GRM7: variants seen among roughly 807,000 people sequenced by gnomAD.
The protein encoded by GRM7 is metabotropic glutamate receptor 7.
In GRM7, 35 loss-of-function variants were observed where a neutral mutation model predicts 84.5. The observed-to-expected ratio is 0.41, with a 90% CI of 0.32 to 0.55. The LOEUF (loss-of-function observed/expected upper bound fraction) is 0.55, where lower values mean the gene tolerates loss of function less well. Among genes scored for constraint, GRM7 ranks in the 20% least tolerant of loss-of-function variants. The pLI, the probability that GRM7 is intolerant of heterozygous loss-of-function variation, is 0.19. For synonymous variants in GRM7, 487 were observed against 455.1 expected (o/e 1.07, Z -0.89); for missense variants, 1,003 against 1,194.6 (o/e 0.84, Z 2.36).
At chr3:7,109,197 T>C (rs919398141) in intron 1 of GRM7, among the ~76,000 whole-genome samples, 2 of 152,086 alleles carry the variant, frequency 1.3e-5, no homozygotes, top group Non-Finnish European at 2.9e-5. Context: ...TTGATCATTA[T>C]GTCTAATTGG....
At chr3:7,054,369 TATG>T (rs900020314) in intron 1 of GRM7, among the ~76,000 whole-genome samples, 9 of 149,818 alleles carry the variant, frequency 6.0e-5, no homozygotes, top group Admixed American at 2.7e-4. Flanking sequence ...GTATGATATA[TATG>T]ATATCTTTTA....
chr3:7,290,995 C>G lies in GRM7; in HGVS notation c.737-7689C>G, dbSNP rs913380106. On this transcript the variant is annotated intron_variant, in intron 2 of 9. Coordinates refer to ENST00000357716, the MANE Select transcript of GRM7 (RefSeq NM_000844.4). ...GGTGCTGTTCCAGTTTCTTTGTGGC[C>G]ATTTACACTGTTCCACTCTGTCTCC... Among the ~76,000 whole-genome samples the G allele has an allele frequency of 1.1e-4, 16 of 152,178 alleles. 4 individuals carry two copies. The highest frequency in any genetic ancestry group is 3.9e-4 in the East Asian group (2 of 5,164).
chr3:7,028,271 A>T (rs1485784828), intron 1 of GRM7, among the ~76,000 whole-genome samples: 1 of 152,186 alleles, frequency 6.6e-6, no homozygotes, highest in Non-Finnish European at 1.5e-5. Context: ...TTTCTGCCCA[A>T]TGAGTTTGTA....
intron 2 of GRM7, among the ~76,000 whole-genome samples, chr3:7,266,973 C>G (rs898218400): frequency 3.3e-5 from 5 of 152,194 alleles, no homozygotes; most frequent in Non-Finnish European, 7.3e-5. Flanking sequence ...GGCCATTTAT[C>G]TTAATTTGCA....
chr3:7,479,055 G>A (rs1414148136), intron 7 of GRM7, among the ~76,000 whole-genome samples: 1 of 152,130 alleles, frequency 6.6e-6, no homozygotes, highest in Non-Finnish European at 1.5e-5. Flanking sequence ...GTACCCATAT[G>A]TAAAGTGGGG....
At chr3:7,637,371 AC>A (rs1299002631) in intron 8 of GRM7, among the ~76,000 whole-genome samples, 1 of 152,184 alleles carries the variant, frequency 6.6e-6, no homozygotes. Flanking sequence ...ATGTTTCCTT[AC>A]AAAAGAATGA....
In GRM7 at chr3:7,575,685, A is replaced by G. The variant is rs574485634; in HGVS notation, c.1516-2737A>G. The stretch of plus-strand genomic sequence containing the variant: ...ATTTTCAATAATGATTTTTGTTAGC[A>G]AAAGGAGTAAATTAGACTTCTGTCC... On this transcript the variant is annotated intron_variant, in intron 7 of 9. Coordinates refer to ENST00000357716, the MANE Select transcript of GRM7 (RefSeq NM_000844.4). Among the ~76,000 whole-genome samples, 17 of 152,314 alleles carry G rather than the reference A, an allele frequency of 1.1e-4. No homozygotes were observed. The East Asian group carries it at 2.5e-3, about 22-fold the overall frequency.
chr3:6,898,357 C>T (rs746294260), intron 1 of GRM7, among the ~76,000 whole-genome samples: 1 of 135,238 alleles, frequency 7.4e-6, no homozygotes, highest in Non-Finnish European at 1.5e-5. Flanking sequence ...AGACCAAGGA[C>T]GAAAGAGTGT....
intron 8 of GRM7, among the ~76,000 whole-genome samples, chr3:7,609,346 C>T (rs1292598491): frequency 6.6e-6 from 1 of 151,972 alleles, no homozygotes; most frequent in Non-Finnish European, 1.5e-5. Flanking sequence ...AAATGAAATT[C>T]AATGCTGGGA....
In GRM7 at chr3:7,412,221, C is replaced by A. The variant is rs546004839; in HGVS notation, c.1034-2802C>A. Among the ~76,000 whole-genome samples the A allele has an allele frequency of 2.0e-5, 3 of 152,244 alleles. No individual in the cohort carries two copies. The South Asian group carries it at 6.2e-4, about 32-fold the overall frequency. On this transcript the variant is annotated intron_variant, in intron 4 of 9. Coordinates refer to ENST00000357716, the MANE Select transcript of GRM7 (RefSeq NM_000844.4). ...GTTTATAGGCTGGTTGAAATGAAGC[C>A]TTGGGTGCCCCCTGGCACCTCGGCC...
At chr3:6,908,095 A>G (rs961566005) in intron 1 of GRM7, among the ~76,000 whole-genome samples, 5 of 152,224 alleles carry the variant, frequency 3.3e-5, no homozygotes, top group African/African-American at 9.6e-5. Context: ...CAAAGAAAAT[A>G]AAAAGACAAA....
At position 6,862,557 on chromosome 3, in the gene GRM7, C is replaced by T. The variant is rs1235930567; in HGVS notation, c.519+650C>T. On this transcript the variant is annotated intron_variant, in intron 1 of 9. Coordinates refer to ENST00000357716, the MANE Select transcript of GRM7 (RefSeq NM_000844.4). The surrounding 1 kb of genome is among the most constrained non-coding windows in gnomAD (Gnocchi z 5.2). Reference sequence around the variant, plus strand: ...GAGAGATGCTGCCCGCAGACGTGACCCCCGGTTGGTTTGCTCCGGGCAATA... The same window carrying T: ...GAGAGATGCTGCCCGCAGACGTGACTCCCGGTTGGTTTGCTCCGGGCAATA... 6.6e-6 allele frequency among the ~76,000 whole-genome samples: 1 copy of T among 152,170 alleles called. No individual in the cohort carries two copies. The highest frequency in any genetic ancestry group is 1.5e-5 in the Non-Finnish European group (1 of 68,038).
At chr3:7,102,023 G>T (rs1699129237) in intron 1 of GRM7, among the ~76,000 whole-genome samples, 1 of 151,146 alleles carries the variant, frequency 6.6e-6, no homozygotes, top group Non-Finnish European at 1.5e-5. Context: ...TTACATTTAT[G>T]TATATTATAC....
intron 7 of GRM7, among the ~76,000 whole-genome samples, chr3:7,491,355 A>T (rs1028320619): frequency 6.6e-6 from 1 of 152,010 alleles, no homozygotes; most frequent in Non-Finnish European, 1.5e-5. Context: ...TTTTCCATTT[A>T]TCTAGTTCTT....
At chr3:7,005,748 G>A (rs543525462) in intron 1 of GRM7, among the ~76,000 whole-genome samples, 4 of 152,242 alleles carry the variant, frequency 2.6e-5, no homozygotes, top group East Asian at 3.9e-4. Flanking sequence ...CAGATGCACC[G>A]AAAATGACAT....
chr3:6,908,123 C>A (rs1011531496), intron 1 of GRM7, among the ~76,000 whole-genome samples: 1 of 152,134 alleles, frequency 6.6e-6, no homozygotes, highest in African/African-American at 2.4e-5. Context: ...AGAAAATATT[C>A]CAGCTACAGA....
intron 9 of GRM7, among the ~76,000 whole-genome samples, chr3:7,730,810 T>G (rs1575678557): frequency 6.6e-6 from 1 of 152,222 alleles, no homozygotes; most frequent in East Asian, 1.9e-4. Flanking sequence ...TGCTTGCATC[T>G]ATAATATATT....
intron 1 of GRM7, among the ~76,000 whole-genome samples, chr3:7,123,178 C>G (rs1317321186): frequency 6.6e-6 from 1 of 152,178 alleles, no homozygotes; most frequent in Non-Finnish European, 1.5e-5. Context: ...TATTTATTTT[C>G]ACAGTAATGT....
chr3:7,146,328 T>TAATACA (rs1420151577), intron 1 of GRM7, 124 bp from the exon 2 acceptor site: 4 of 735,760 alleles, frequency 5.4e-6, no homozygotes, highest in Non-Finnish European at 7.1e-6. Context: ...CATGGTGGTG[T>TAATACA]TTGGCAAAAC....
Sources: gnomAD v4.1 joint callset for allele counts (sites outside exome capture counted in the v4.1 genomes callset) on GRCh38, gnomAD v4.1.1 for gene constraint, Gnocchi (gnomAD v3.1) non-coding constraint, MANE v1.5 for transcripts, NCBI Gene and HGNC (gene_info 2026-07-23, HGNC 2026-07-21) for gene names.